PFKFB3: variants seen among roughly 807,000 people sequenced by gnomAD.
PFKFB3 encodes the protein 6-phosphofructo-2-kinase/fructose-2,6-bisphosphatase 3.
In PFKFB3, 33 loss-of-function variants were observed where a neutral mutation model predicts 68.0. The observed-to-expected ratio is 0.49, with a 90% CI of 0.37 to 0.65. PFKFB3 has a LOEUF of 0.65. PFKFB3 is among the 30% of genes least tolerant of loss of function. PFKFB3 has a pLI of 0.00. For missense variants in PFKFB3, 586 were observed against 712.2 expected (o/e 0.82, Z 2.02); for synonymous variants, 315 against 288.2 (o/e 1.09, Z -0.94).
At chr10:6,278,290 T>G in the PFKFB3 span, among the ~76,000 whole-genome samples, 3 of 151,882 alleles carry the variant, frequency 2.0e-5, no homozygotes, top group South Asian at 6.2e-4. Flanking sequence ...TTGTTGTTGT[T>G]GTTGTTTTTA....
In PFKFB3 at chr10:6,220,832, G is replaced by C; in HGVS notation, c.798G>C (p.Gly266=). The change falls in exon 8 of 15, where the codon GGG becomes GGC. Residue 266 remains glycine, a synonymous_variant. Transcript: ENST00000379775. This position sits in a 1 kb window ranked among gnomAD's most constrained non-coding sequence, Gnocchi z 4.1. ...ENEHNLQGRI[G]GDSGLSSRGK... ...AGCACAACCTCCAGGGCCGCATCGGGGGCGACTCAGGCCTGTCCAGCCGGG... is the reference window on the plus strand; with the variant it reads ...AGCACAACCTCCAGGGCCGCATCGGCGGCGACTCAGGCCTGTCCAGCCGGG... 1 of 1,612,966 alleles carries C rather than the reference G, an allele frequency of 6.2e-7. No individual in the cohort carries two copies. The highest frequency in any genetic ancestry group is 8.5e-7 in the Non-Finnish European group (1 of 1,180,022).
chr10:6,177,419 T>TTCTTCTTTC (rs1842528380), intron 1 of PFKFB3, among the ~76,000 whole-genome samples: 1 of 132,456 alleles, frequency 7.5e-6, no homozygotes, highest in South Asian at 2.6e-4. Flanking sequence ...TTCTTTCTCT[T>TTCTTCTTTC]TCTTCCTTTC....
At chr10:6,230,063 TC>T (rs1456526395) in intron 14 of PFKFB3, among the ~76,000 whole-genome samples, 1 of 152,174 alleles carries the variant, frequency 6.6e-6, no homozygotes, top group Non-Finnish European at 1.5e-5. Context: ...AAGAAATCTT[TC>T]TACTGGGAGG....
At chr10:6,200,914 G>A (rs1843326191), upstream of PFKFB3, among the ~76,000 whole-genome samples, 1 of 152,200 alleles carries the variant, frequency 6.6e-6, no homozygotes, top group African/African-American at 2.4e-5. Flanking sequence ...TGAATGATGT[G>A]CCGCTGCTGG....
At chr10:6,209,988 G>A (rs7903828) in intron 1 of PFKFB3, among the ~76,000 whole-genome samples, 3,229 of 149,852 alleles carry the variant, frequency 0.022, 149 homozygotes, top group African/African-American at 0.073. Context: ...TCCTGACCTT[G>A]TGATCCGCCC....
At chr10:6,289,009 G>A in the PFKFB3 span, among the ~76,000 whole-genome samples, 3 of 151,636 alleles carry the variant, frequency 2.0e-5, no homozygotes, top group Admixed American at 1.3e-4. Flanking sequence ...CTTCTTTTGA[G>A]AAGTGTCTGT....
the PFKFB3 span, among the ~76,000 whole-genome samples, chr10:6,302,316 A>G: frequency 6.8e-6 from 1 of 147,334 alleles, no homozygotes. Flanking sequence ...CGGCCTCCCA[A>G]AGTGCTGGGA....
rs2131858819 is a variant in PFKFB3, at chr10:6,203,166, C to G, written c.-95C>G. On this transcript the variant is annotated 5_prime_UTR_variant, in exon 1 of 15. Coordinates refer to ENST00000379775, the MANE Select transcript of PFKFB3 (RefSeq NM_004566.4). ...CCCGGCCGCGCGCCGGCGCACGCCC[C>G]CCTCTCCTCCTTTGTTCCGGGGGTC... 1 of 1,532,538 alleles carries G rather than the reference C, an allele frequency of 6.5e-7. No homozygotes were observed. The highest frequency in any genetic ancestry group is 1.4e-5 in the African/African-American group (1 of 70,648). 94.9% of individuals were successfully genotyped at this position (1,532,538 alleles called of 1,614,324 possible). A position where few individuals can be genotyped will look rare whatever the true frequency, so the allele number is the denominator to read the frequency against.
chr10:6,157,433 A>G (rs1841840489), intron 1 of PFKFB3, among the ~76,000 whole-genome samples: 1 of 152,150 alleles, frequency 6.6e-6, no homozygotes, highest in Non-Finnish European at 1.5e-5. Context: ...TCACCGTGTT[A>G]GCCAGGATGG....
At chr10:6,271,819 T>G in the PFKFB3 span, among the ~76,000 whole-genome samples, 5 of 152,234 alleles carry the variant, frequency 3.3e-5, no homozygotes. Context: ...TCCCCCACAC[T>G]GTGGGCATGT....
Position 6,173,829 on chromosome 10 carries a change from G to A in PFKFB3, c.16+28816G>A, listed in dbSNP as rs936380118. 2.0e-5 allele frequency among the ~76,000 whole-genome samples: 3 copies of A among 152,236 alleles called. No individual in the cohort carries two copies. The East Asian group carries it at 5.8e-4, about 30-fold the overall frequency. ...TGGTCTTAGTGGCAGTCGGGAGCCAGTGATTGTTTCTGAGCAGGGGAAGAA... is the reference window on the plus strand; with the variant it reads ...TGGTCTTAGTGGCAGTCGGGAGCCAATGATTGTTTCTGAGCAGGGGAAGAA... On this transcript the variant is annotated intron_variant, in intron 1 of 14. Transcript: ENST00000379789.
At chr10:6,162,410 T>A (rs1156585534) in intron 1 of PFKFB3, among the ~76,000 whole-genome samples, 1 of 152,206 alleles carries the variant, frequency 6.6e-6, no homozygotes, top group East Asian at 1.9e-4. Flanking sequence ...CAAGGAATAA[T>A]CTTTTATTTC....
chr10:6,295,147 T>A, the PFKFB3 span, among the ~76,000 whole-genome samples: 1 of 152,172 alleles, frequency 6.6e-6, no homozygotes, highest in Non-Finnish European at 1.5e-5. Flanking sequence ...CTTGAACACT[T>A]TTGTTTTTGT....
At chr10:6,171,303 C>T (rs1175435046) in intron 1 of PFKFB3, among the ~76,000 whole-genome samples, 1 of 152,194 alleles carries the variant, frequency 6.6e-6, no homozygotes, top group African/African-American at 2.4e-5. Flanking sequence ...GATCCACCCG[C>T]CTCAGCCTCC....
At chr10:6,199,280 G>A (rs1843255592), upstream of PFKFB3, among the ~76,000 whole-genome samples, 1 of 152,180 alleles carries the variant, frequency 6.6e-6, no homozygotes, top group Non-Finnish European at 1.5e-5. Flanking sequence ...CCTGGCTATG[G>A]CTGGCACAGG....
chr10:6,221,199 G>A (rs1844934000), intron 8 of PFKFB3, among the ~76,000 whole-genome samples, 182 bp from the exon 9 acceptor site: 1 of 152,106 alleles, frequency 6.6e-6, no homozygotes, highest in Non-Finnish European at 1.5e-5. Context: ...AAGGGAAGGG[G>A]CAGGAAGAGC....
At chr10:6,298,787 C>T in the PFKFB3 span, among the ~76,000 whole-genome samples, 2,305 of 152,282 alleles carry the variant, frequency 0.015, 26 homozygotes, top group Non-Finnish European at 0.024. Flanking sequence ...GGATCTCTAA[C>T]GCACCCCAAC....
chr10:6,279,588 G>T, the PFKFB3 span, among the ~76,000 whole-genome samples: 2 of 152,086 alleles, frequency 1.3e-5, no homozygotes, highest in Non-Finnish European at 2.9e-5. Flanking sequence ...TGTGCCTGGG[G>T]TCACGTTTGG....
chr10:6,291,309 T>C, the PFKFB3 span, among the ~76,000 whole-genome samples: 1 of 152,180 alleles, frequency 6.6e-6, no homozygotes, highest in Non-Finnish European at 1.5e-5. Context: ...CTCATGCCTA[T>C]AATCCCAGCA....
Sources: gnomAD v4.1 joint callset for allele counts (sites outside exome capture counted in the v4.1 genomes callset) on GRCh38, gnomAD v4.1.1 for gene constraint, Gnocchi (gnomAD v3.1) non-coding constraint, MANE v1.5 for transcripts, NCBI Gene and HGNC (gene_info 2026-07-23, HGNC 2026-07-21) for gene names.